Variants in RAB3IP observed in about 807,000 individuals in gnomAD.
The protein encoded by RAB3IP is RAB3A interacting protein.
Under a neutral mutation model 59.1 loss-of-function variants are expected in RAB3IP, and 36 were observed. The observed-to-expected ratio is 0.61, with a 90% confidence interval of 0.47 to 0.80. The LOEUF (loss-of-function observed/expected upper bound fraction) is 0.80, where lower values mean the gene tolerates loss of function less well. Among genes scored for constraint, RAB3IP ranks in the 30% least tolerant of loss-of-function variants. The pLI, the probability that RAB3IP is intolerant of heterozygous loss-of-function variation, is 0.00. For synonymous variants in RAB3IP, 207 were observed against 191.2 expected (o/e 1.08, Z -0.68); for missense variants, 511 against 536.0 (o/e 0.95, Z 0.46).
intron 3 of RAB3IP, among the ~76,000 whole-genome samples, chr12:69,781,410 T>G (rs1874684823): frequency 6.6e-6 from 1 of 152,186 alleles, no homozygotes; most frequent in Non-Finnish European, 1.5e-5. Flanking sequence ...ACATTAGGGT[T>G]TACTCTTGGT....
At chr12:69,790,707 C>T (rs1294761684) in intron 4 of RAB3IP, among the ~76,000 whole-genome samples, 1 of 152,084 alleles carries the variant, frequency 6.6e-6, no homozygotes, top group African/African-American at 2.4e-5. Context: ...GCCTCAGCCT[C>T]CTGAGTAGCT....
intron 3 of RAB3IP, among the ~76,000 whole-genome samples, chr12:69,761,581 G>T (rs1871313620): frequency 6.6e-6 from 1 of 152,108 alleles, no homozygotes; most frequent in Non-Finnish European, 1.5e-5. Context: ...AGAAAAACCT[G>T]CATTTATACA....
intron 1 of RAB3IP, among the ~76,000 whole-genome samples, chr12:69,748,164 A>G (rs940160480): frequency 1.3e-5 from 2 of 149,518 alleles, no homozygotes; most frequent in Non-Finnish European, 3.0e-5. Context: ...GGAAAAATGG[A>G]TTTTATTTTT....
chr12:69,787,570 T>C (rs1165892116), intron 4 of RAB3IP, among the ~76,000 whole-genome samples: 6 of 152,156 alleles, frequency 3.9e-5, no homozygotes, highest in Admixed American at 2.0e-4. Context: ...ATAAATGGCA[T>C]TTCTCTTTGT....
Position 69,795,191 on chromosome 12 carries a change from C to T in RAB3IP, c.735C>T (p.Ser245=). The T allele has an allele frequency of 6.2e-7, 1 of 1,614,000 alleles. No homozygotes were observed. The highest frequency in any genetic ancestry group is 2.2e-5 in the East Asian group (1 of 44,880). ...EVAALKTLVL[S]SSPTSPTQEP... ...CTGCATTGAAGACACTTGTATTGTCCAGTTCTCCAACATCACCTACGCAGG... is the reference window on the plus strand; with the variant it reads ...CTGCATTGAAGACACTTGTATTGTCTAGTTCTCCAACATCACCTACGCAGG... The change falls in exon 6 of 11, where the codon TCC becomes TCT. Residue 245 remains serine (S), a synonymous_variant. Coordinates refer to ENST00000247833, the MANE Select transcript of RAB3IP (RefSeq NM_022456.5).
Position 69,813,101 on chromosome 12 carries a change from C to T in RAB3IP, c.1300+68C>T, listed in dbSNP as rs1880683920. ...AGCAAAAAGTATAAGTAAAGTTCAA[C>T]AAAAAGTATAGAATAGTAGTAATGC... On this transcript the variant is annotated intron_variant, in intron 10 of 10. Coordinates refer to ENST00000247833, the MANE Select transcript of RAB3IP (RefSeq NM_022456.5). 2.2e-5 allele frequency: 25 copies of T among 1,160,104 alleles called. No individual in the cohort carries two copies. The South Asian group carries it at 3.3e-4, about 15-fold the overall frequency. The allele number at this position is 1,160,104 out of a possible 1,614,324, so 71.9% of individuals were successfully genotyped here.
At position 69,820,115 on chromosome 12, in the gene RAB3IP, T is replaced by C. The variant is rs893469865; in HGVS notation, c.*4669T>C. The C allele has an allele frequency of 2.0e-5, 3 of 152,332 alleles. No homozygotes were observed. Among genetic ancestry groups the C allele is most frequent in the Middle Eastern group, 3.4e-3 (1 of 294 alleles). The allele number at this position is 152,332 out of a possible 1,614,324, so 9.4% of individuals were successfully genotyped here. On this transcript the variant is annotated 3_prime_UTR_variant, in exon 11 of 11. Transcript: ENST00000247833. ...GTTTTCAGTGGTTTTTGTTGTTGCA[T>C]TTTTCCCTAGATAAAATGTTTTTTC...
At chr12:69,740,299 GTTAT>G (rs1245673437) in intron 1 of RAB3IP, among the ~76,000 whole-genome samples, 2 of 152,174 alleles carry the variant, frequency 1.3e-5, no homozygotes, top group East Asian at 1.9e-4. Flanking sequence ...GTTATCATTT[GTTAT>G]TTATTTACTA....
rs1565950447 is a variant in RAB3IP, at chr12:69,822,922, C to T, written c.*7476C>T. The T allele has an allele frequency of 6.6e-6, 1 of 152,120 alleles. No homozygotes were observed. The highest frequency in any genetic ancestry group is 1.5e-5 in the Non-Finnish European group (1 of 68,008). 9.4% of individuals were successfully genotyped at this position (152,120 alleles called of 1,614,324 possible). On this transcript the variant is annotated 3_prime_UTR_variant, in exon 11 of 11. Coordinates refer to ENST00000247833, the MANE Select transcript of RAB3IP (RefSeq NM_022456.5). ...CTGTGCTGTCTTCCAAGCCATTGCT[C>T]ATGTTTTAAGAAATATACTTATTGT...
At chr12:69,810,439 A>G (rs997557950) in intron 8 of RAB3IP, among the ~76,000 whole-genome samples, 1 of 152,184 alleles carries the variant, frequency 6.6e-6, no homozygotes, top group Non-Finnish European at 1.5e-5. Context: ...CTGGAAATGC[A>G]GAAATCACCC....
At chr12:69,807,040 T>A (rs1256995077) in intron 8 of RAB3IP, among the ~76,000 whole-genome samples, 1 of 152,156 alleles carries the variant, frequency 6.6e-6, no homozygotes, top group African/African-American at 2.4e-5. Context: ...CCCCCTTTTC[T>A]TTTCAACAAA....
chr12:69,779,346 C>G (rs984468020), intron 3 of RAB3IP, among the ~76,000 whole-genome samples: 2 of 149,698 alleles, frequency 1.3e-5, no homozygotes, highest in Non-Finnish European at 3.0e-5. Flanking sequence ...CCCGGTACCT[C>G]AGATGGAAAT....
chr12:69,794,164 G>A (rs763974498), intron 4 of RAB3IP, among the ~76,000 whole-genome samples: 4 of 152,106 alleles, frequency 2.6e-5, no homozygotes, highest in African/African-American at 4.8e-5. Flanking sequence ...GTTTGCCTTC[G>A]TCACATTCAC....
At chr12:69,794,996 T>A in intron 5 of RAB3IP, 145 bp from the exon 6 acceptor site, 1 of 656,662 alleles carries the variant, frequency 1.5e-6, no homozygotes, top group Non-Finnish European at 2.6e-6. Flanking sequence ...AAAACTTGAT[T>A]TTAGTTTCTT....
intron 6 of RAB3IP, chr12:69,796,434 A>G: frequency 2.5e-6 from 1 of 393,098 alleles, no homozygotes; most frequent in Non-Finnish European, 4.5e-6. Context: ...CATTTCTAAG[A>G]GGATTGATCA....
At chr12:69,771,115 T>C (rs1000451901) in intron 3 of RAB3IP, among the ~76,000 whole-genome samples, 2 of 152,240 alleles carry the variant, frequency 1.3e-5, no homozygotes, top group African/African-American at 4.8e-5. Flanking sequence ...ATATTTGTCC[T>C]TCTGTACTTG....
At chr12:69,770,409 A>C (rs1385696994) in intron 3 of RAB3IP, among the ~76,000 whole-genome samples, 1 of 152,162 alleles carries the variant, frequency 6.6e-6, no homozygotes, top group African/African-American at 2.4e-5. Flanking sequence ...ATAATACCTA[A>C]TATAATATAA....
intron 3 of RAB3IP, among the ~76,000 whole-genome samples, chr12:69,758,805 A>T (rs1870681749): frequency 3.6e-5 from 2 of 55,290 alleles, no homozygotes; most frequent in Non-Finnish European, 6.8e-5. Flanking sequence ...TTATTTTTGA[A>T]TGATAGTTTA....
Position 69,813,776 on chromosome 12 carries a change from T to C in RAB3IP, c.1300+743T>C, listed in dbSNP as rs1880796421. On this transcript the variant is annotated intron_variant, in intron 10 of 10. Transcript: ENST00000247833. ...TTAAAGTTTTACAAAATTTCCCTGT[T>C]TATATTTTTTAGGCACTGAAAATAT... Among the ~76,000 whole-genome samples the C allele has an allele frequency of 1.3e-5, 2 of 151,946 alleles. 1 individual carries two copies. Among genetic ancestry groups the C allele is most frequent in the Non-Finnish European group, 2.9e-5 (2 of 68,004 alleles).
Sources: gnomAD v4.1 joint callset for allele counts (sites outside exome capture counted in the v4.1 genomes callset) on GRCh38, gnomAD v4.1.1 for gene constraint, MANE v1.5 for transcripts, NCBI Gene and HGNC (gene_info 2026-07-23, HGNC 2026-07-21) for gene names.